The following CD1B variants were observed in gnomAD, a reference collection of about 807,000 sequenced individuals.
CD1B encodes T-cell surface glycoprotein CD1b.
Under a neutral mutation model 39.8 loss-of-function variants are expected in CD1B, and 43 were observed. The ratio of observed to expected loss-of-function variants is 1.08; its 90% confidence interval spans 0.85 to 1.39. The LOEUF is 1.39. CD1B is among the 40% of genes most tolerant of loss of function. CD1B has a pLI of 0.00. For synonymous variants in CD1B, 192 were observed against 152.5 expected, an observed-to-expected ratio of 1.26 and a Z score of -1.91; for missense variants, 495 against 403.8, an observed-to-expected ratio of 1.23 and a Z score of -1.94.
In CD1B at chr1:158,329,980, T is replaced by C; in HGVS notation, c.479A>G (p.Gln160Arg). ...TTGTATGATTAGTGCACAGAATTTC[T>C]GTGCCCTGCTGCCACCTTCTGGGGA... Reference protein sequence around the residue: ...VPSPEGGSRAQKFCALIIQYQ... With the variant: ...VPSPEGGSRARKFCALIIQYQ... The change falls in exon 3 of 6, where the codon CAG becomes CGG. Residue 160 changes from glutamine to arginine, a missense_variant. Transcript: ENST00000368168. 1 of 1,613,874 alleles carries C rather than the reference T, an allele frequency of 6.2e-7. No individual in the cohort carries two copies. Among genetic ancestry groups the C allele is most frequent in the Non-Finnish European group, 8.5e-7 (1 of 1,179,962 alleles).
intron 2 of CD1B, 87 bp downstream of exon 2, chr1:158,330,709 G>C: frequency 7.7e-7 from 1 of 1,301,228 alleles, no homozygotes; most frequent in South Asian, 1.2e-5. Flanking sequence ...GAAAGGAAGG[G>C]AGAAGCATCA....
chr1:158,298,447 T>C, the CD1B span, among the ~76,000 whole-genome samples: 1 of 152,098 alleles, frequency 6.6e-6, no homozygotes. Context: ...ATATACATTC[T>C]TCCCATGCCT....
chr1:158,321,274 T>C, the CD1B span, among the ~76,000 whole-genome samples: 1 of 152,224 alleles, frequency 6.6e-6, no homozygotes, highest in Non-Finnish European at 1.5e-5. Flanking sequence ...TTTGTCTTTT[T>C]TTACAGTTTT....
the CD1B span, among the ~76,000 whole-genome samples, chr1:158,317,968 C>T: frequency 0.02 from 3,099 of 152,162 alleles, 104 homozygotes; most frequent in African/African-American, 0.07. Flanking sequence ...TGTAGTTGTG[C>T]GGTTTTGAGT....
chr1:158,294,513 A>G, the CD1B span, among the ~76,000 whole-genome samples: 3 of 152,142 alleles, frequency 2.0e-5, no homozygotes, highest in Non-Finnish European at 2.9e-5. Context: ...AAAAAATTTT[A>G]AATAGATTTT....
At chr1:158,292,328 T>C in the CD1B span, 9 of 1,614,004 alleles carry the variant, frequency 5.6e-6, no homozygotes, top group Non-Finnish European at 7.6e-6. Flanking sequence ...TTCTCTTGGG[T>C]CTCCTGGATG....
the CD1B span, among the ~76,000 whole-genome samples, chr1:158,296,429 A>C: frequency 3.0e-4 from 45 of 152,214 alleles, no homozygotes; most frequent in African/African-American, 1.0e-3. Context: ...CAAAGAATAT[A>C]AAAGCAAAAG....
At chr1:158,293,408 C>T in the CD1B span, 15 of 1,607,598 alleles carry the variant, frequency 9.3e-6, no homozygotes, top group East Asian at 3.3e-4. Flanking sequence ...TCCTCAGTTA[C>T]CACCTCCAAC....
At chr1:158,290,790 C>T in the CD1B span, among the ~76,000 whole-genome samples, 11 of 152,148 alleles carry the variant, frequency 7.2e-5, no homozygotes, top group South Asian at 2.1e-4. Flanking sequence ...CTGTAGTTTC[C>T]GCTGCTAGTT....
chr1:158,295,398 A>G, the CD1B span, among the ~76,000 whole-genome samples: 4 of 152,084 alleles, frequency 2.6e-5, no homozygotes, highest in Non-Finnish European at 5.9e-5. Context: ...GGCCCACTCT[A>G]TCCATGAACC....
the CD1B span, among the ~76,000 whole-genome samples, chr1:158,305,348 C>G: frequency 6.6e-6 from 1 of 151,898 alleles, no homozygotes; most frequent in Non-Finnish European, 1.5e-5. Context: ...GATGGAAGAT[C>G]AAATGAATGA....
chr1:158,293,794 T>C, the CD1B span, among the ~76,000 whole-genome samples: 1 of 151,986 alleles, frequency 6.6e-6, no homozygotes, highest in African/African-American at 2.4e-5. Flanking sequence ...GCTACTTGAG[T>C]CTTTCATTTC....
the CD1B span, among the ~76,000 whole-genome samples, chr1:158,309,119 T>G: frequency 2.6e-5 from 4 of 151,910 alleles, no homozygotes; most frequent in African/African-American, 9.7e-5. Flanking sequence ...TACTATGAAC[T>G]CAAACAAATT....
the CD1B span, among the ~76,000 whole-genome samples, chr1:158,322,360 T>C: frequency 6.6e-6 from 1 of 152,084 alleles, no homozygotes; most frequent in Non-Finnish European, 1.5e-5. Context: ...TTTCAGCCTC[T>C]TGAATAGCTG....
chr1:158,312,331 T>C, the CD1B span, among the ~76,000 whole-genome samples: 1,871 of 152,292 alleles, frequency 0.012, 38 homozygotes, highest in African/African-American at 0.04. Flanking sequence ...ACAAACTCTC[T>C]TCTCTCTTGC....
At chr1:158,287,464 T>A in the CD1B span, among the ~76,000 whole-genome samples, 1 of 152,124 alleles carries the variant, frequency 6.6e-6, no homozygotes, top group South Asian at 2.1e-4. Flanking sequence ...CCAAATATAA[T>A]CACACTGAGA....
At chr1:158,299,485 A>C in the CD1B span, among the ~76,000 whole-genome samples, 3 of 150,662 alleles carry the variant, frequency 2.0e-5, no homozygotes, top group Non-Finnish European at 3.0e-5. Flanking sequence ...CAGCATCAGG[A>C]TTATGCTGGC....
chr1:158,310,876 T>C, the CD1B span, among the ~76,000 whole-genome samples: 1 of 152,168 alleles, frequency 6.6e-6, no homozygotes, highest in Non-Finnish European at 1.5e-5. Context: ...GAATGTAAAT[T>C]AGTTCAGCCA....
At chr1:158,290,097 T>A in the CD1B span, 1 of 1,613,768 alleles carries the variant, frequency 6.2e-7, no homozygotes, top group Non-Finnish European at 8.5e-7. Context: ...TGCTAGCTCT[T>A]CTTCTCCCAG....
Sources: allele counts gnomAD v4.1 joint callset (sites outside exome capture counted in the v4.1 genomes callset), GRCh38; gene constraint gnomAD v4.1.1; transcripts MANE v1.5; gene names NCBI Gene and HGNC (gene_info 2026-07-23, HGNC 2026-07-21).